The following PDE10A variants were observed in gnomAD, a reference collection of about 807,000 sequenced individuals.
PDE10A encodes phosphodiesterase 10A.
A neutral mutation model predicts 97.7 loss-of-function variants in PDE10A; 39 were observed. That is an observed-to-expected ratio of 0.40 (90% CI 0.31 to 0.52). PDE10A has a LOEUF of 0.52. PDE10A is among the 20% of genes least tolerant of loss of function. The pLI is 0.56. For synonymous variants in PDE10A, 371 were observed against 376.8 expected, an observed-to-expected ratio of 0.98 and a Z score of 0.18; for missense variants, 731 against 1,047.8, an observed-to-expected ratio of 0.70 and a Z score of 4.17.
At chr6:165,398,461 C>T (rs1425433868) in intron 13 of PDE10A, among the ~76,000 whole-genome samples, 1 of 148,962 alleles carries the variant, frequency 6.7e-6, no homozygotes, top group Admixed American at 6.7e-5. Flanking sequence ...ACACTTCAGC[C>T]TGGGCGATAG....
chr6:165,508,653 A>G lies in PDE10A; in HGVS notation c.995-26310T>C, dbSNP rs1452972420. Among the ~76,000 whole-genome samples, 5 of 151,910 alleles carry G rather than the reference A, an allele frequency of 3.3e-5. No homozygotes were observed. The East Asian group carries it at 9.6e-4, about 29-fold the overall frequency. On this transcript the variant is annotated intron_variant, in intron 2 of 21. Coordinates refer to ENST00000539869, the MANE Select transcript of PDE10A (RefSeq NM_001385079.1). Reference sequence around the variant, plus strand: ...AGAGCATTTTACACTCCCTCAATCAACGTTTGAAAAGTCCAGGGCCTCCAC... The same window carrying G: ...AGAGCATTTTACACTCCCTCAATCAGCGTTTGAAAAGTCCAGGGCCTCCAC...
intron 1 of PDE10A, among the ~76,000 whole-genome samples, chr6:165,779,020 T>C (rs1312831577): frequency 2.0e-5 from 3 of 152,222 alleles, no homozygotes; most frequent in African/African-American, 7.2e-5. Context: ...AGTTCTTAAT[T>C]GTAATAGGGT....
intron 1 of PDE10A, among the ~76,000 whole-genome samples, chr6:165,562,576 C>T (rs1784573367): frequency 6.6e-6 from 1 of 152,152 alleles, no homozygotes; most frequent in African/African-American, 2.4e-5. Context: ...AGTCCTACCA[C>T]TTTCTTCTCA....
intron 1 of PDE10A, among the ~76,000 whole-genome samples, chr6:165,648,403 G>A (rs1370609997): frequency 1.3e-5 from 2 of 151,312 alleles, no homozygotes; most frequent in African/African-American, 4.9e-5. Flanking sequence ...AGGCCAGCAG[G>A]ATATCGATTA....
chr6:165,875,739 T>TTGTTTTG (rs996003925), intron 1 of PDE10A, among the ~76,000 whole-genome samples: 2 of 146,960 alleles, frequency 1.4e-5, no homozygotes, highest in African/African-American at 5.1e-5. Flanking sequence ...CTGTTTTTTT[T>TTGTTTTG]TTTTTTTTGT....
chr6:165,764,838 C>A (rs1440326438), intron 1 of PDE10A, among the ~76,000 whole-genome samples: 1 of 152,224 alleles, frequency 6.6e-6, no homozygotes, highest in Non-Finnish European at 1.5e-5. Context: ...CGGGTTGCCA[C>A]TGCTGGCTCG....
intron 21 of PDE10A, among the ~76,000 whole-genome samples, chr6:165,334,229 G>C (rs796869969): frequency 3.3e-5 from 5 of 152,358 alleles, no homozygotes; most frequent in African/African-American, 1.2e-4. Flanking sequence ...TGCCCACACA[G>C]TGGACACCGT....
At chr6:165,438,794 C>T (rs1413545415) in intron 5 of PDE10A, among the ~76,000 whole-genome samples, 2 of 151,618 alleles carry the variant, frequency 1.3e-5, no homozygotes, top group Non-Finnish European at 2.9e-5. Context: ...CTGACCTCTA[C>T]AAAAAATAAA....
chr6:165,744,853 TA>T (rs3049879), intron 1 of PDE10A, among the ~76,000 whole-genome samples: 61,843 of 147,430 alleles, frequency 0.42, 15,066 homozygotes, highest in African/African-American at 0.68. Context: ...CAGTACTGCT[TA>T]AAAAAAAAAA....
intron 15 of PDE10A, among the ~76,000 whole-genome samples, chr6:165,394,966 T>C (rs1251437223): frequency 1.3e-5 from 2 of 152,206 alleles, no homozygotes; most frequent in Non-Finnish European, 1.5e-5. Context: ...GCTACAACCA[T>C]GTTGCTAGAG....
At chr6:165,608,942 C>T (rs9365896) in intron 1 of PDE10A, among the ~76,000 whole-genome samples, 2 of 152,252 alleles carry the variant, frequency 1.3e-5, no homozygotes, top group East Asian at 3.9e-4. Context: ...ATCCTTCACC[C>T]ACTTTGTGAT....
At chr6:165,708,798 G>C (rs1435733844) in intron 1 of PDE10A, among the ~76,000 whole-genome samples, 1 of 64,424 alleles carries the variant, frequency 1.6e-5, no homozygotes, top group Non-Finnish European at 2.9e-5. Flanking sequence ...ATGCTGCCGC[G>C]CTCTCCCCAC....
chr6:165,861,397 G>A (rs534672226), intron 1 of PDE10A, among the ~76,000 whole-genome samples: 1 of 151,230 alleles, frequency 6.6e-6, no homozygotes, highest in Admixed American at 6.6e-5. Context: ...TCTCGGGGGG[G>A]CGCTATGGAG....
intron 1 of PDE10A, among the ~76,000 whole-genome samples, chr6:165,683,004 T>C (rs1791018623): frequency 6.6e-6 from 1 of 152,182 alleles, no homozygotes; most frequent in African/African-American, 2.4e-5. Flanking sequence ...CCCACCGGAA[T>C]GTAAAAGTGC....
chr6:165,371,296 T>A (rs994871856), intron 18 of PDE10A, among the ~76,000 whole-genome samples: 1 of 151,916 alleles, frequency 6.6e-6, no homozygotes, highest in South Asian at 2.1e-4. Flanking sequence ...CAGGAGCTGG[T>A]TTTTTGAAAG....
intron 18 of PDE10A, among the ~76,000 whole-genome samples, chr6:165,370,397 A>C (rs1784149739): frequency 6.7e-6 from 1 of 149,220 alleles, no homozygotes; most frequent in Non-Finnish European, 1.5e-5. Flanking sequence ...TACCAAGCAA[A>C]TGGAAAACAA....
chr6:165,860,220 G>A (rs1439543455), intron 1 of PDE10A, among the ~76,000 whole-genome samples: 1 of 152,166 alleles, frequency 6.6e-6, no homozygotes, highest in Non-Finnish European at 1.5e-5. Context: ...TTGGGAAGCT[G>A]AGGTGAGTGG....
chr6:165,446,547 T>C (rs946262218), intron 5 of PDE10A, among the ~76,000 whole-genome samples: 1 of 152,044 alleles, frequency 6.6e-6, no homozygotes, highest in African/African-American at 2.4e-5. Flanking sequence ...CCAAGAATTA[T>C]CCTCCCAGGC....
At chr6:165,344,124 T>C (rs1010593506) in intron 18 of PDE10A, among the ~76,000 whole-genome samples, 13 of 152,202 alleles carry the variant, frequency 8.5e-5, no homozygotes, top group Non-Finnish European at 1.2e-4. Flanking sequence ...TTTTCCCTTT[T>C]CAGCTGCTTG....
Sources: gnomAD v4.1 joint callset for allele counts (sites outside exome capture counted in the v4.1 genomes callset) on GRCh38, gnomAD v4.1.1 for gene constraint, MANE v1.5 for transcripts, NCBI Gene and HGNC (gene_info 2026-07-23, HGNC 2026-07-21) for gene names.